The following OR14I1 variants were observed in gnomAD, a reference collection of about 807,000 sequenced individuals.
The protein encoded by OR14I1 is olfactory receptor family 14 subfamily I member 1.
For synonymous variants in OR14I1, 118 were observed against 71.1 expected, an observed-to-expected ratio of 1.66 and a Z score of -3.32; for missense variants, 279 against 181.8, an observed-to-expected ratio of 1.53 and a Z score of -3.07.
chr1:248,693,954 A>G, the OR14I1 span, among the ~76,000 whole-genome samples: 1 of 151,578 alleles, frequency 6.6e-6, no homozygotes, highest in Non-Finnish European at 1.5e-5. Context: ...GTGTTTGTGC[A>G]TTTGGTTGAG....
In OR14I1 at chr1:248,682,248, C is replaced by T. The variant is rs200902510; in HGVS notation, c.57G>A (p.Trp19Ter). The T allele has an allele frequency of 4.0e-5, 31 of 770,718 alleles. No homozygotes were observed. In the South Asian group the frequency reaches 4.1e-4, roughly 10 times the overall value. 47.7% of individuals were successfully genotyped at this position (770,718 alleles called of 1,614,324 possible). A position where few individuals can be genotyped will look rare whatever the true frequency, so the allele number is the denominator to read the frequency against. Residue 19 changes from tryptophan to a stop codon, truncating the protein, a stop_gained, in exon 1 of 1, where the codon TGG becomes TGA. Coordinates refer to ENST00000342623, the Ensembl canonical transcript of OR14I1. LOFTEE classifies it low-confidence loss of function (END_TRUNC). ...GCCCGGCGTGCAGCACCTGCAGCTC[C>T]CAGATACCAGAAAACTCCATCAGCA... is the stretch of plus-strand genomic sequence containing the variant.
chr1:248,680,774 T>G (rs1389073350), downstream of OR14I1, among the ~76,000 whole-genome samples: 1 of 152,172 alleles, frequency 6.6e-6, no homozygotes, highest in Non-Finnish European at 1.5e-5. Context: ...AGGCACTCAG[T>G]GACAATCTCA....
chr1:248,686,477 A>G (rs1200600353), upstream of OR14I1, among the ~76,000 whole-genome samples: 1 of 152,162 alleles, frequency 6.6e-6, no homozygotes, highest in Non-Finnish European at 1.5e-5. Context: ...ACCAATACAC[A>G]CTGCACCATG....
chr1:248,694,623 A>G, the OR14I1 span, among the ~76,000 whole-genome samples: 1 of 152,110 alleles, frequency 6.6e-6, no homozygotes, highest in African/African-American at 2.4e-5. Flanking sequence ...GGTGGTATTC[A>G]TCTCTGTTTC....
the OR14I1 span, among the ~76,000 whole-genome samples, chr1:248,689,990 C>T: frequency 2.0e-5 from 3 of 152,098 alleles, no homozygotes; most frequent in African/African-American, 7.2e-5. Context: ...AGGTAACTAA[C>T]AAAATTAAGG....
upstream of OR14I1, among the ~76,000 whole-genome samples, chr1:248,684,340 CAT>C (rs1661607788): frequency 6.6e-6 from 1 of 152,194 alleles, no homozygotes; most frequent in Non-Finnish European, 1.5e-5. Flanking sequence ...TCTCGACAAA[CAT>C]GTGAAGGGAC....
At chr1:248,688,357 T>C in the OR14I1 span, among the ~76,000 whole-genome samples, 6 of 152,358 alleles carry the variant, frequency 3.9e-5, no homozygotes, top group Middle Eastern at 3.4e-3. Flanking sequence ...GTAGACCTTC[T>C]TACAAATGGA....
downstream of OR14I1, among the ~76,000 whole-genome samples, chr1:248,679,245 A>T (rs58921260): frequency 0.15 from 22,165 of 152,118 alleles, 1,735 homozygotes; most frequent in African/African-American, 0.19. Flanking sequence ...CAAATTTTGC[A>T]GCTTTTCTGA....
chr1:248,695,382 C>T, the OR14I1 span, among the ~76,000 whole-genome samples: 5 of 151,620 alleles, frequency 3.3e-5, no homozygotes, highest in Non-Finnish European at 7.4e-5. Flanking sequence ...TACAGGCGCC[C>T]GCCACCACGC....
upstream of OR14I1, among the ~76,000 whole-genome samples, chr1:248,687,291 G>A (rs1661673693): frequency 6.6e-6 from 1 of 152,216 alleles, no homozygotes; most frequent in Admixed American, 6.5e-5. Context: ...TCATCACTAT[G>A]CCTAGTCAGT....
At chr1:248,682,832 T>C (rs1661588261), upstream of OR14I1, among the ~76,000 whole-genome samples, 1 of 152,220 alleles carries the variant, frequency 6.6e-6, no homozygotes, top group African/African-American at 2.4e-5. Context: ...AATGAGGATT[T>C]ACTGTTTAAG....
Position 248,681,761 on chromosome 1 carries a change from C to T in OR14I1, c.544G>A (p.Val182Met), listed in dbSNP as rs141201513. ...ACCTCACAGGAAACCAGGGCCAACA[C>T]ATGAGGGATGTCACGGAAGAACTGG... Residue 182 changes from valine to methionine, a missense_variant, in exon 1 of 1, where the codon GTG becomes ATG. Physicochemically the swap from Val to Met is conservative, Grantham distance 21 (BLOSUM62 1). Coordinates refer to ENST00000342623, the Ensembl canonical transcript of OR14I1. The T allele has an allele frequency of 3.8e-4, 299 of 781,100 alleles. No individual in the cohort carries two copies. In the African/African-American group the frequency reaches 4.6e-3, roughly 12 times the overall value. The allele number at this position is 781,100 out of a possible 1,614,324, so 48.4% of individuals were successfully genotyped here.
the OR14I1 span, among the ~76,000 whole-genome samples, chr1:248,699,476 G>T: frequency 2.0e-5 from 3 of 152,168 alleles, no homozygotes; most frequent in African/African-American, 7.2e-5. Flanking sequence ...GAAATAACAT[G>T]CACTGAGACA....
At chr1:248,694,457 C>G in the OR14I1 span, among the ~76,000 whole-genome samples, 1 of 152,192 alleles carries the variant, frequency 6.6e-6, no homozygotes, top group South Asian at 2.1e-4. Flanking sequence ...TTTACCTTTC[C>G]AGAAATGGTC....
chr1:248,699,332 G>C, the OR14I1 span, among the ~76,000 whole-genome samples: 4 of 152,348 alleles, frequency 2.6e-5, no homozygotes, highest in East Asian at 7.7e-4. Flanking sequence ...GAACATAAAA[G>C]AGCAGAAGCA....
chr1:248,687,318 G>T (rs1224460467), upstream of OR14I1, among the ~76,000 whole-genome samples: 2 of 152,216 alleles, frequency 1.3e-5, no homozygotes, highest in Non-Finnish European at 2.9e-5. Flanking sequence ...CATGAGAGCA[G>T]TTAAGTGCGT....
At chr1:248,699,482 A>G in the OR14I1 span, among the ~76,000 whole-genome samples, 1 of 152,286 alleles carries the variant, frequency 6.6e-6, no homozygotes, top group South Asian at 2.1e-4. Flanking sequence ...ACATGCACTG[A>G]GACATGGACA....
chr1:248,691,546 C>T, the OR14I1 span, among the ~76,000 whole-genome samples: 1,829 of 152,294 alleles, frequency 0.012, 31 homozygotes, highest in African/African-American at 0.033. Flanking sequence ...ACCAAAGAAT[C>T]GGAAAAACAG....
chr1:248,696,317 C>T, the OR14I1 span, among the ~76,000 whole-genome samples: 1 of 152,004 alleles, frequency 6.6e-6, no homozygotes, highest in African/African-American at 2.4e-5. Flanking sequence ...TCCTTTTTTC[C>T]CCTTGCTCTT....
Sources: gnomAD v4.1 joint callset for allele counts (sites outside exome capture counted in the v4.1 genomes callset) on GRCh38, gnomAD v4.1.1 for gene constraint, MANE v1.5 for transcripts, NCBI Gene and HGNC (gene_info 2026-07-23, HGNC 2026-07-21) for gene names.